NELL1: variants seen among roughly 807,000 people sequenced by gnomAD.
NELL1 encodes the protein protein kinase C-binding protein NELL1.
NELL1 carries 76 observed loss-of-function variants against 107.4 expected under a neutral mutation model. That is an observed-to-expected ratio of 0.71 (90% confidence interval 0.59 to 0.86). The LOEUF (loss-of-function observed/expected upper bound fraction) is 0.86. NELL1 is among the 40% of genes least tolerant of loss of function. The pLI, the probability that NELL1 is intolerant of heterozygous loss-of-function variation, is 0.00. For missense variants in NELL1, 1,024 were observed against 1,005.5 expected (o/e 1.02, Z -0.25); for synonymous variants, 353 against 341.2 (o/e 1.03, Z -0.38).
intron 14 of NELL1, among the ~76,000 whole-genome samples, chr11:21,322,105 A>G (rs1011870876): frequency 4.6e-5 from 7 of 152,164 alleles, no homozygotes; most frequent in African/African-American, 7.2e-5. Context: ...CTGTGCTCCT[A>G]AAGTCTAAGA....
chr11:21,210,558 TC>T (rs1342842225), intron 13 of NELL1, among the ~76,000 whole-genome samples: 2 of 152,128 alleles, frequency 1.3e-5, no homozygotes, highest in African/African-American at 4.8e-5. Flanking sequence ...TAAATACTTT[TC>T]CCCCTTTCTA....
intron 2 of NELL1, among the ~76,000 whole-genome samples, chr11:20,715,443 A>G (rs1334223048): frequency 6.6e-6 from 1 of 152,086 alleles, no homozygotes. Context: ...CCGGTAACTC[A>G]TTTGTGATCA....
chr11:21,326,762 T>G (rs1850152058), intron 14 of NELL1, among the ~76,000 whole-genome samples: 1 of 152,100 alleles, frequency 6.6e-6, no homozygotes, highest in African/African-American at 2.4e-5. Flanking sequence ...TAGACTACTT[T>G]TTTTTCTTAA....
At chr11:21,321,977 A>G (rs990186116) in intron 14 of NELL1, among the ~76,000 whole-genome samples, 1 of 152,174 alleles carries the variant, frequency 6.6e-6, no homozygotes, top group Non-Finnish European at 1.5e-5. Flanking sequence ...CTCATCTTGA[A>G]GTAGTCTCTG....
At chr11:20,679,571 AAGCTGGGCATGGTTAAAAGGGT>A (rs1270478251) in intron 2 of NELL1, among the ~76,000 whole-genome samples, 1 of 152,218 alleles carries the variant, frequency 6.6e-6, no homozygotes, top group East Asian at 1.9e-4. Context: ...TGAAGTATGT[AAGCTGGGCATGGTTAAAAGGGT>A]AGACTGAATT....
At chr11:21,287,584 A>C (rs528745327) in intron 14 of NELL1, among the ~76,000 whole-genome samples, 1 of 152,160 alleles carries the variant, frequency 6.6e-6, no homozygotes, top group Non-Finnish European at 1.5e-5. Context: ...CAACAAGACT[A>C]TAACAGAATT....
intron 4 of NELL1, among the ~76,000 whole-genome samples, chr11:20,853,785 T>A (rs562071531): frequency 6.6e-6 from 1 of 152,318 alleles, no homozygotes; most frequent in East Asian, 1.9e-4. Flanking sequence ...ACTTTCCAGA[T>A]CCTAAGCAAG....
chr11:20,871,795 A>G (rs905829104), intron 4 of NELL1, among the ~76,000 whole-genome samples: 7 of 151,812 alleles, frequency 4.6e-5, no homozygotes, highest in Admixed American at 1.3e-4. Flanking sequence ...CGAGGCGGGC[A>G]GATCACGAGG....
intron 15 of NELL1, among the ~76,000 whole-genome samples, chr11:21,477,221 G>C (rs561577366): frequency 3.3e-5 from 5 of 152,150 alleles, no homozygotes; most frequent in South Asian, 2.1e-4. Context: ...GGAAAGGAGA[G>C]GGAAAGGTAA....
At chr11:21,121,900 A>T (rs558574120) in intron 13 of NELL1, among the ~76,000 whole-genome samples, 25 of 152,352 alleles carry the variant, frequency 1.6e-4, no homozygotes, top group African/African-American at 5.5e-4. Flanking sequence ...AAAGCCAAAG[A>T]CCACATATTT....
chr11:21,165,595 C>T (rs746607232), intron 13 of NELL1, among the ~76,000 whole-genome samples: 11 of 149,222 alleles, frequency 7.4e-5, no homozygotes, highest in East Asian at 1.9e-4. Flanking sequence ...GAAAGGAAGT[C>T]GCTGTATTGA....
intron 4 of NELL1, among the ~76,000 whole-genome samples, chr11:20,879,270 G>A (rs532939049): frequency 7.2e-5 from 11 of 152,268 alleles, no homozygotes; most frequent in Middle Eastern, 3.4e-3. Flanking sequence ...TGAGGAATGC[G>A]TCTGAATGGA....
At chr11:21,070,787 C>A (rs2134378328) in intron 12 of NELL1, among the ~76,000 whole-genome samples, 1 of 152,262 alleles carries the variant, frequency 6.6e-6, no homozygotes, top group East Asian at 1.9e-4. Context: ...ATCTGAGAAT[C>A]ATTGTCTGAG....
At chr11:21,039,196 T>C (rs985273554) in intron 12 of NELL1, among the ~76,000 whole-genome samples, 4 of 152,022 alleles carry the variant, frequency 2.6e-5, no homozygotes, top group Admixed American at 2.0e-4. Flanking sequence ...CTTTTTTTTT[T>C]CTCCGAGACA....
intron 2 of NELL1, among the ~76,000 whole-genome samples, chr11:20,738,024 A>G (rs1590247309): frequency 6.8e-6 from 1 of 148,090 alleles, no homozygotes; most frequent in East Asian, 2.0e-4. Flanking sequence ...TTATTGGTAT[A>G]GTATTCGTTA....
intron 13 of NELL1, among the ~76,000 whole-genome samples, chr11:21,130,581 C>A (rs1369888711): frequency 6.6e-6 from 1 of 152,164 alleles, no homozygotes; most frequent in African/African-American, 2.4e-5. Flanking sequence ...TATCTCTAAG[C>A]AACCAGGGAG....
chr11:21,345,653 A>G (rs760116798), intron 14 of NELL1, among the ~76,000 whole-genome samples: 4 of 152,206 alleles, frequency 2.6e-5, no homozygotes, highest in African/African-American at 9.6e-5. Flanking sequence ...ATAACATGCA[A>G]TATTAATGCT....
chr11:21,337,696 T>G (rs1386852513), intron 14 of NELL1, among the ~76,000 whole-genome samples: 2 of 152,214 alleles, frequency 1.3e-5, no homozygotes, highest in African/African-American at 4.8e-5. Flanking sequence ...GCTGGCACCC[T>G]GCTTTTCCCT....
intron 4 of NELL1, among the ~76,000 whole-genome samples, chr11:20,857,865 G>A (rs7120329): frequency 0.27 from 40,503 of 152,076 alleles, 9,100 homozygotes; most frequent in African/African-American, 0.62. Flanking sequence ...GGCCTATAGC[G>A]GTGCATGGAG....
Sources: allele counts gnomAD v4.1 joint callset (sites outside exome capture counted in the v4.1 genomes callset), GRCh38; gene constraint gnomAD v4.1.1; transcripts MANE v1.5; gene names NCBI Gene and HGNC (gene_info 2026-07-23, HGNC 2026-07-21).